The following GPC6 variants were observed in gnomAD, a reference collection of about 807,000 sequenced individuals.
GPC6 encodes glypican 6.
A neutral mutation model predicts 55.2 loss-of-function variants in GPC6; 14 were observed. That is an observed-to-expected ratio of 0.25 (90% confidence interval 0.17 to 0.40). The LOEUF is 0.40. Ranked by LOEUF, GPC6 falls within the 10% of genes least tolerant of loss-of-function variation. GPC6 has a pLI of 1.00. For missense variants in GPC6, 641 were observed against 708.5 expected (o/e 0.90, Z 1.08); for synonymous variants, 278 against 259.6 (o/e 1.07, Z -0.68).
At chr13:93,618,324 G>A (rs1878811203) in intron 2 of GPC6, among the ~76,000 whole-genome samples, 1 of 151,974 alleles carries the variant, frequency 6.6e-6, no homozygotes, top group South Asian at 2.1e-4. Context: ...AAAATGATAG[G>A]TTAGTAAATT....
chr13:94,160,269 A>T (rs188557372), intron 4 of GPC6, among the ~76,000 whole-genome samples: 1 of 152,224 alleles, frequency 6.6e-6, no homozygotes, highest in Non-Finnish European at 1.5e-5. Flanking sequence ...AAAAAAATGT[A>T]GTATACATAG....
intron 3 of GPC6, among the ~76,000 whole-genome samples, chr13:93,899,663 C>T (rs1007512096): frequency 1.8e-4 from 28 of 152,192 alleles, no homozygotes; most frequent in African/African-American, 6.0e-4. Flanking sequence ...AATGAAGAAG[C>T]ACTCGTAAAC....
intron 2 of GPC6, among the ~76,000 whole-genome samples, chr13:93,741,698 T>C (rs532310613): frequency 6.6e-6 from 1 of 152,312 alleles, no homozygotes; most frequent in South Asian, 2.1e-4. Flanking sequence ...ATAACTTTAT[T>C]GATTGGTTAT....
chr13:93,654,377 G>T lies in GPC6; in HGVS notation c.319+108956G>T, dbSNP rs570994431. ...GAATCTCACTCTGTTGCCCAGGCTG[G>T]AGTGCAGTGGCGTGATCTCAGCTCA... On this transcript the variant is annotated intron_variant, in intron 2 of 8. Coordinates refer to ENST00000377047, the MANE Select transcript of GPC6 (RefSeq NM_005708.5). 4.8e-4 allele frequency among the ~76,000 whole-genome samples: 73 copies of T among 152,140 alleles called. No individual in the cohort carries two copies. The South Asian group carries it at 0.015, about 31-fold the overall frequency.
chr13:94,180,822 T>C (rs1888965490), intron 4 of GPC6, among the ~76,000 whole-genome samples: 1 of 152,102 alleles, frequency 6.6e-6, no homozygotes, highest in Non-Finnish European at 1.5e-5. Flanking sequence ...GTATGTATCA[T>C]CTAAATTCAA....
intron 4 of GPC6, among the ~76,000 whole-genome samples, chr13:94,250,271 A>C (rs1490505631): frequency 2.6e-5 from 4 of 152,200 alleles, no homozygotes; most frequent in Non-Finnish European, 5.9e-5. Context: ...CCAGGAGTCC[A>C]TCTCTGTGAA....
At chr13:94,190,245 G>A (rs761481936) in intron 4 of GPC6, among the ~76,000 whole-genome samples, 10 of 151,936 alleles carry the variant, frequency 6.6e-5, no homozygotes, top group Non-Finnish European at 8.8e-5. Flanking sequence ...GTTTGAACCC[G>A]GGAGGCGGAG....
intron 2 of GPC6, among the ~76,000 whole-genome samples, chr13:93,762,090 G>T (rs1329182313): frequency 6.6e-6 from 1 of 151,996 alleles, no homozygotes; most frequent in African/African-American, 2.4e-5. Context: ...CTGAAAGTTT[G>T]ATTTTTTACA....
intron 4 of GPC6, among the ~76,000 whole-genome samples, chr13:94,167,072 A>G (rs1024251257): frequency 6.6e-6 from 1 of 152,092 alleles, no homozygotes; most frequent in Non-Finnish European, 1.5e-5. Context: ...GTAAAATTAG[A>G]CTCTAGATGT....
At chr13:94,188,771 A>C (rs544519546) in intron 4 of GPC6, among the ~76,000 whole-genome samples, 27 of 152,156 alleles carry the variant, frequency 1.8e-4, no homozygotes, top group African/African-American at 6.5e-4. Flanking sequence ...CCCATCCCAT[A>C]GCTGGTGACC....
At chr13:93,634,759 C>T (rs1879622624) in intron 2 of GPC6, among the ~76,000 whole-genome samples, 1 of 152,108 alleles carries the variant, frequency 6.6e-6, no homozygotes. Flanking sequence ...CAAAGGCTTT[C>T]CCCAGAATTT....
intron 3 of GPC6, among the ~76,000 whole-genome samples, chr13:93,844,631 A>G (rs2139002594): frequency 6.7e-6 from 1 of 149,218 alleles, no homozygotes; most frequent in East Asian, 2.0e-4. Flanking sequence ...TTTGCTGTGC[A>G]GAAGCTCTTT....
intron 1 of GPC6, among the ~76,000 whole-genome samples, chr13:93,417,969 A>G (rs1399904199): frequency 6.6e-6 from 1 of 152,068 alleles, no homozygotes; most frequent in African/African-American, 2.4e-5. Context: ...CAGAGTCCTG[A>G]TTAGCTTTCA....
intron 2 of GPC6, among the ~76,000 whole-genome samples, chr13:93,803,512 A>C (rs1448165448): frequency 1.3e-5 from 2 of 152,180 alleles, no homozygotes; most frequent in African/African-American, 4.8e-5. Flanking sequence ...AGCTCCTACA[A>C]AAAATAGTTT....
chr13:94,286,468 G>A lies in GPC6; in HGVS notation c.997G>A (p.Val333Met), dbSNP rs770541952. Residue 333 changes from valine to methionine, a missense_variant, in exon 5 of 9, where the codon GTG becomes ATG. Val to Met is a conservative substitution (Grantham distance 21). Coordinates refer to ENST00000377047, the MANE Select transcript of GPC6 (RefSeq NM_005708.5). ...IMNMQENSMQVSAKVFQGCGQ... is the reference protein window; with the variant it reads ...IMNMQENSMQMSAKVFQGCGQ... Reference sequence around the variant, plus strand: ...GAACATGCAAGAAAACAGCATGCAGGTGTCTGCAAAGGTATTTGCATTAGT... The same window carrying A: ...GAACATGCAAGAAAACAGCATGCAGATGTCTGCAAAGGTATTTGCATTAGT... 1.7e-5 allele frequency: 27 copies of A among 1,613,396 alleles called. No homozygotes were observed. The highest frequency in any genetic ancestry group is 5.3e-5 in the African/African-American group (4 of 74,884).
chr13:94,245,637 T>C (rs1343076667), intron 4 of GPC6, among the ~76,000 whole-genome samples: 2 of 152,064 alleles, frequency 1.3e-5, no homozygotes, highest in Non-Finnish European at 1.5e-5. Context: ...TGGCTTATTT[T>C]GCTTAATATA....
intron 6 of GPC6, among the ~76,000 whole-genome samples, chr13:94,338,570 C>CAATCT (rs1243675697): frequency 6.6e-6 from 1 of 152,172 alleles, no homozygotes; most frequent in Non-Finnish European, 1.5e-5. Flanking sequence ...ATCATGACAG[C>CAATCT]AATCTATTGA....
chr13:94,376,654 C>T (rs1380907567), intron 6 of GPC6, among the ~76,000 whole-genome samples: 3 of 152,006 alleles, frequency 2.0e-5, no homozygotes, highest in Non-Finnish European at 4.4e-5. Flanking sequence ...AATGCCATCC[C>T]CATCAAGCTA....
chr13:93,321,872 C>T (rs1344167799), intron 1 of GPC6, among the ~76,000 whole-genome samples: 1 of 152,088 alleles, frequency 6.6e-6, no homozygotes, highest in Non-Finnish European at 1.5e-5. Context: ...TAGCTACCTG[C>T]TGGATGGGCT....
Sources: allele counts gnomAD v4.1 joint callset (sites outside exome capture counted in the v4.1 genomes callset), GRCh38; gene constraint gnomAD v4.1.1; transcripts MANE v1.5; gene names NCBI Gene and HGNC (gene_info 2026-07-23, HGNC 2026-07-21).